METTL8: variants seen among roughly 807,000 people sequenced by gnomAD.
METTL8 encodes the protein methyltransferase 8, tRNA N3-cytidine.
METTL8 carries 32 observed loss-of-function variants against 48.7 expected under a neutral mutation model. The ratio of observed to expected loss-of-function variants is 0.66; its 90% CI spans 0.50 to 0.88. The LOEUF (loss-of-function observed/expected upper bound fraction) is 0.88, where lower values mean the gene tolerates loss of function less well. Ranked by LOEUF, METTL8 falls within the 40% of genes least tolerant of loss-of-function variation. The pLI is 0.00. For missense variants in METTL8, 464 were observed against 474.4 expected, an observed-to-expected ratio of 0.98 and a Z score of 0.20; for synonymous variants, 136 against 157.1, an observed-to-expected ratio of 0.87 and a Z score of 1.01.
chr2:171,337,577 A>G, intron 4 of METTL8, 75 bp from the exon 5 acceptor site: 1 of 1,117,972 alleles, frequency 8.9e-7, no homozygotes, highest in East Asian at 2.5e-5. Context: ...ATCTCCTATT[A>G]AAGAAAAAAA....
rs192758708 is a variant in METTL8, at chr2:171,337,517, A to G, written c.607-15T>C. On this transcript the variant is annotated splice_polypyrimidine_tract_variant and intron_variant, in intron 4 of 9. Transcript: ENST00000375258. ...CCACAACCAACCTAAAATCAAAAGA[A>G]CAAGCAAATATCAAAAAAAGCAAGG... The G allele has an allele frequency of 1.5e-5, 24 of 1,592,410 alleles. No individual in the cohort carries two copies. The African/African-American group carries it at 2.7e-4, about 18-fold the overall frequency.
chr2:171,381,560 G>GAA (rs890584735), intron 2 of METTL8, among the ~76,000 whole-genome samples: 1 of 149,196 alleles, frequency 6.7e-6, no homozygotes, highest in African/African-American at 2.5e-5. Flanking sequence ...AAATTTACAA[G>GAA]AAAAAAAAAC....
At chr2:171,429,122 CA>C (rs113670837) in intron 1 of METTL8, among the ~76,000 whole-genome samples, 6,969 of 139,162 alleles carry the variant, frequency 0.05, 471 homozygotes, top group African/African-American at 0.16. Flanking sequence ...AAAAATCTTT[CA>C]AAAAAAAAAA....
At chr2:171,401,773 G>A (rs1008772241) in intron 1 of METTL8, among the ~76,000 whole-genome samples, 2 of 152,096 alleles carry the variant, frequency 1.3e-5, no homozygotes, top group South Asian at 2.1e-4. Flanking sequence ...TTCTATGTAC[G>A]GAAGAAGGAA....
chr2:171,377,913 AAAAAC>A (rs904562703), intron 2 of METTL8, among the ~76,000 whole-genome samples: 6 of 152,220 alleles, frequency 3.9e-5, no homozygotes, highest in African/African-American at 7.2e-5. Flanking sequence ...TTATATGGAA[AAAAAC>A]AAAACAAAAC....
At position 171,356,952 on chromosome 2, in the gene METTL8, A is replaced by ATATT; in HGVS notation, c.235+3469_235+3470insAATA. On this transcript the variant is annotated intron_variant, in intron 3 of 9. Transcript: ENST00000375258. Reference sequence around the variant, plus strand: ...CAAATTAGCCTTGTTCAAAGACAATATTTTTTTTTTTTTTTTTGAGACAGG... The same window carrying ATATT: ...CAAATTAGCCTTGTTCAAAGACAATATATTTTTTTTTTTTTTTTTTTGAGACAGG... Among the ~76,000 whole-genome samples the ATATT allele has an allele frequency of 4.1e-3, 318 of 78,498 alleles. 43 individuals carry two copies. The highest frequency in any genetic ancestry group is 0.013 in the African/African-American group (285 of 22,486). 51.5% of individuals were successfully genotyped at this position (78,498 alleles called of 152,430 possible).
intron 3 of METTL8, among the ~76,000 whole-genome samples, chr2:171,354,417 G>T (rs533637314): frequency 3.9e-5 from 6 of 152,232 alleles, no homozygotes; most frequent in African/African-American, 1.4e-4. Flanking sequence ...CAACCTTGGT[G>T]AATCTGACAA....
intron 3 of METTL8, among the ~76,000 whole-genome samples, chr2:171,347,998 A>T (rs147832540): frequency 6.6e-6 from 1 of 152,338 alleles, no homozygotes; most frequent in African/African-American, 2.4e-5. Flanking sequence ...ATAGCAAGTG[A>T]TACCAGAAGA....
chr2:171,371,820 A>G (rs1686376023), intron 2 of METTL8, among the ~76,000 whole-genome samples: 1 of 131,700 alleles, frequency 7.6e-6, no homozygotes, highest in Non-Finnish European at 1.6e-5. Context: ...TTTAAATTAC[A>G]TTATTGTTAT....
rs773192845 is a variant in METTL8, at chr2:171,339,393, C to T, written c.397G>A (p.Val133Ile). ...EKARESSWDH[V>I]KTSATNRFSR... ...AAACGATTTGTAGCACTAGTTTTTA[C>T]ATGATCCCATGATGATTCTCTCGCC... The change falls in exon 4 of 10, where the codon GTA becomes ATA. Residue 133 changes from valine (V) to isoleucine (I), a missense_variant. Coordinates refer to ENST00000375258, the MANE Select transcript of METTL8 (RefSeq NM_001321154.2). 5 of 1,613,374 alleles carry T rather than the reference C, an allele frequency of 3.1e-6. No individual in the cohort carries two copies. The highest frequency in any genetic ancestry group is 4.2e-6 in the Non-Finnish European group (5 of 1,179,572).
At chr2:171,431,584 A>G (rs1559234673) in intron 1 of METTL8, among the ~76,000 whole-genome samples, 1 of 152,158 alleles carries the variant, frequency 6.6e-6, no homozygotes, top group Non-Finnish European at 1.5e-5. Context: ...TCACCCTCCG[A>G]TTGTTAGTGT....
Position 171,417,063 on chromosome 2 carries a change from G to A in METTL8, c.-13+16820C>T, listed in dbSNP as rs1014172575. ...CAAAAAGAACATCAGCTTAACAAGGGAAGTGGATATCTTAGTAAGAAATCT... is the reference window on the plus strand; with the variant it reads ...CAAAAAGAACATCAGCTTAACAAGGAAAGTGGATATCTTAGTAAGAAATCT... On this transcript the variant is annotated intron_variant, in intron 1 of 9. Transcript: ENST00000375258. 5.3e-5 allele frequency among the ~76,000 whole-genome samples: 8 copies of A among 152,170 alleles called. No homozygotes were observed. In the East Asian group the frequency reaches 9.6e-4, roughly 18 times the overall value.
chr2:171,387,085 G>A (rs1443864278), intron 2 of METTL8, among the ~76,000 whole-genome samples: 2 of 150,552 alleles, frequency 1.3e-5, no homozygotes, highest in African/African-American at 2.5e-5. Flanking sequence ...TAAGTGATCC[G>A]ATTCTTCCCA....
rs116414387 is a variant in METTL8, at chr2:171,416,146, G to A, written c.-13+17737C>T. The stretch of plus-strand genomic sequence containing the variant: ...ACTGTGTTTCTGACGCGCCAGGATC[G>A]TTTCATTTATAGTACTTGTTAATCA... On this transcript the variant is annotated intron_variant, in intron 1 of 9. Coordinates refer to ENST00000375258, the MANE Select transcript of METTL8 (RefSeq NM_001321154.2). 7.0e-3 allele frequency among the ~76,000 whole-genome samples: 1,060 copies of A among 152,264 alleles called. 14 individuals are homozygous for A. Among genetic ancestry groups the A allele is most frequent in the African/African-American group, 0.024 (980 of 41,534 alleles).
intron 2 of METTL8, among the ~76,000 whole-genome samples, chr2:171,377,403 GA>G (rs1194336508): frequency 6.6e-6 from 1 of 152,188 alleles, no homozygotes; most frequent in East Asian, 1.9e-4. Context: ...TAGTTAAGCT[GA>G]AAAGCTTCTG....
chr2:171,378,360 GC>G (rs1173286857), intron 2 of METTL8, among the ~76,000 whole-genome samples: 1 of 152,208 alleles, frequency 6.6e-6, no homozygotes, highest in African/African-American at 2.4e-5. Context: ...ATGGCTGGAT[GC>G]AGTGGCTCAT....
upstream of METTL8, chr2:171,434,579 T>C: frequency 6.5e-7 from 1 of 1,527,244 alleles, no homozygotes; most frequent in Non-Finnish European, 8.7e-7. Flanking sequence ...CGCGCCTCCA[T>C]GGGCCCGACC....
At chr2:171,390,448 T>C (rs576284136) in intron 2 of METTL8, among the ~76,000 whole-genome samples, 2 of 152,362 alleles carry the variant, frequency 1.3e-5, no homozygotes, top group Non-Finnish European at 2.9e-5. Context: ...CTAGTGGATC[T>C]GGGCAAAGTA....
At chr2:171,410,857 A>T (rs1176015212) in intron 1 of METTL8, among the ~76,000 whole-genome samples, 4 of 152,198 alleles carry the variant, frequency 2.6e-5, no homozygotes, top group African/African-American at 9.7e-5. Flanking sequence ...ATACCTCATA[A>T]ATCCAGTTCA....
Sources: allele counts gnomAD v4.1 joint callset (sites outside exome capture counted in the v4.1 genomes callset), GRCh38; gene constraint gnomAD v4.1.1; transcripts MANE v1.5; gene names NCBI Gene and HGNC (gene_info 2026-07-23, HGNC 2026-07-21).